PRDM16: variants seen among roughly 807,000 people sequenced by gnomAD.
PRDM16 encodes histone-lysine N-methyltransferase PRDM16.
A neutral mutation model predicts 110.6 loss-of-function variants in PRDM16; 23 were observed. The observed-to-expected ratio is 0.21, with a 90% CI of 0.15 to 0.29. The LOEUF (loss-of-function observed/expected upper bound fraction) is 0.29. Among genes scored for constraint, PRDM16 ranks in the 10% least tolerant of loss-of-function variants. The pLI, the probability that PRDM16 is intolerant of heterozygous loss-of-function variation, is 1.00. For missense variants in PRDM16, 1,615 were observed against 1,794.3 expected (o/e 0.90, Z 1.81); for synonymous variants, 799 against 781.8 (o/e 1.02, Z -0.37).
At chr1:3,415,298 G>T (rs1180785607) in intron 10 of PRDM16, among the ~76,000 whole-genome samples, 3 of 152,248 alleles carry the variant, frequency 2.0e-5, no homozygotes, top group African/African-American at 7.2e-5. Context: ...TACTGACTTG[G>T]TCTCATTGCT....
chr1:3,167,077 G>A (rs531956877), intron 1 of PRDM16, among the ~76,000 whole-genome samples: 2 of 152,166 alleles, frequency 1.3e-5, no homozygotes, highest in Non-Finnish European at 2.9e-5. Flanking sequence ...GGGACGATCT[G>A]GATTGCACCT....
intron 3 of PRDM16, among the ~76,000 whole-genome samples, chr1:3,319,453 AACATG>A (rs1168438777): frequency 3.3e-5 from 5 of 152,156 alleles, no homozygotes; most frequent in Admixed American, 3.3e-4. Flanking sequence ...GGTGATGGGG[AACATG>A]CCTTGCCTCC....
chr1:3,248,924 T>C (rs1639859598), intron 3 of PRDM16, among the ~76,000 whole-genome samples: 1 of 152,184 alleles, frequency 6.6e-6, no homozygotes, highest in Non-Finnish European at 1.5e-5. Context: ...TAATGAAGGA[T>C]GGCTGCTGAG....
At position 3,143,541 on chromosome 1, in the gene PRDM16, A is replaced by G. The variant is rs1282966868; in HGVS notation, c.38-42584A>G. On this transcript the variant is annotated intron_variant, in intron 1 of 16. Coordinates refer to ENST00000270722, the MANE Select transcript of PRDM16 (RefSeq NM_022114.4). This position sits in a 1 kb window ranked among gnomAD's most constrained non-coding sequence, Gnocchi z 4.5. ...CACCCAGGCTGGAGTGCACTGGCGC[A>G]ATCTCCGCTCACTGCAGTCTCTGCC... is the stretch of plus-strand genomic sequence containing the variant. 1.3e-5 allele frequency among the ~76,000 whole-genome samples: 2 copies of G among 152,238 alleles called. No homozygotes were observed. The highest frequency in any genetic ancestry group is 1.9e-4 in the East Asian group (1 of 5,176).
intron 1 of PRDM16, among the ~76,000 whole-genome samples, chr1:3,141,921 A>G (rs1427231674): frequency 6.6e-6 from 1 of 152,162 alleles, no homozygotes; most frequent in Non-Finnish European, 1.5e-5. Flanking sequence ...ACGGTAGGGG[A>G]TTTTTACCTT....
intron 2 of PRDM16, among the ~76,000 whole-genome samples, chr1:3,214,087 G>A (rs1255293687): frequency 6.6e-6 from 1 of 152,180 alleles, no homozygotes; most frequent in Non-Finnish European, 1.5e-5. Context: ...CTGCCCGGGA[G>A]GCTCTGCTTG....
At chr1:3,077,097 T>A (rs550621057) in intron 1 of PRDM16, among the ~76,000 whole-genome samples, 15 of 152,346 alleles carry the variant, frequency 9.8e-5, no homozygotes, top group African/African-American at 3.6e-4. Flanking sequence ...TGTGGTGTGC[T>A]ATGGAGTTGG....
chr1:3,323,631 AC>A (rs1641814255), intron 3 of PRDM16, among the ~76,000 whole-genome samples: 1 of 152,196 alleles, frequency 6.6e-6, no homozygotes, highest in African/African-American at 2.4e-5. Flanking sequence ...CTGGAAACCC[AC>A]GTGTGCAGTC....
chr1:3,337,468 A>G (rs549095884), intron 3 of PRDM16, among the ~76,000 whole-genome samples: 4 of 152,238 alleles, frequency 2.6e-5, no homozygotes, highest in African/African-American at 9.6e-5. Flanking sequence ...CTTGATTTCT[A>G]AAGCTGGGAT....
rs1488509645 is a variant in PRDM16 at position 3,080,164 on chromosome 1, A to T, written c.37+10868A>T. Among the ~76,000 whole-genome samples the T allele has an allele frequency of 6.6e-6, 1 of 152,132 alleles. No individual in the cohort carries two copies. The highest frequency in any genetic ancestry group is 1.5e-5 in the Non-Finnish European group (1 of 68,032). On this transcript the variant is annotated intron_variant, in intron 1 of 16. Transcript: ENST00000270722. The surrounding 1 kb of genome is among the most constrained non-coding windows in gnomAD (Gnocchi z 5.2). ...ATCCCGGGCCCTGGTGCTTGCATTT[A>T]GAAAAATTAGGCCCTCTTGAAAAAT...
At chr1:3,409,793 GGT>G (rs1267110797) in intron 8 of PRDM16, among the ~76,000 whole-genome samples, 20 of 121,274 alleles carry the variant, frequency 1.6e-4, no homozygotes, top group African/African-American at 4.7e-4. Context: ...GTGTGGTGTG[GGT>G]GTGTGTGGTG....
intron 14 of PRDM16, 27 bp downstream of exon 14, chr1:3,426,252 A>C (rs1188577059): frequency 6.2e-7 from 1 of 1,604,622 alleles, no homozygotes; most frequent in South Asian, 1.1e-5. Flanking sequence ...GGGCTGGGGA[A>C]AGTCTGGACC....
At chr1:3,122,688 GC>G (rs1292046719) in intron 1 of PRDM16, among the ~76,000 whole-genome samples, 1 of 151,802 alleles carries the variant, frequency 6.6e-6, no homozygotes, top group South Asian at 2.1e-4. Context: ...CCTCCGTGCT[GC>G]CCCCACACTA....
chr1:3,321,474 A>G (rs549513407), intron 3 of PRDM16, among the ~76,000 whole-genome samples: 1 of 149,164 alleles, frequency 6.7e-6, no homozygotes, highest in East Asian at 2.0e-4. Context: ...TGTGAAGGGT[A>G]CATATGTGTG....
chr1:3,417,829 T>C lies in PRDM16; in HGVS notation c.2693T>C (p.Met898Thr). The C allele has an allele frequency of 6.2e-7, 1 of 1,613,634 alleles. No homozygotes were observed. ...AACCTCCCACTCTTATGCCTACAGATGTCAGCCATAGAGACCATGACAGAG... is the reference window on the plus strand; with the variant it reads ...AACCTCCCACTCTTATGCCTACAGACGTCAGCCATAGAGACCATGACAGAG... ...RPSPLLFHPQ[M>T]SAIETMTEKL... Residue 898 changes from methionine to threonine, a missense_variant and splice_region_variant, in exon 11 of 17, where the codon ATG becomes ACG. Physicochemically the swap from Met to Thr is moderately conservative, Grantham distance 81 (BLOSUM62 -1). This residue lies in a region of PRDM16 where 772 missense variants were observed against 748.3 expected (regional missense o/e 1.03). Coordinates refer to ENST00000270722, the MANE Select transcript of PRDM16 (RefSeq NM_022114.4).
rs556163817 is a variant in PRDM16 at position 3,422,438 on chromosome 1, C to T, written c.2940-3143C>T. On this transcript the variant is annotated intron_variant, in intron 12 of 16. Transcript: ENST00000270722. Reference sequence around the variant, plus strand: ...CTCAACATGCCAGAGGGGCACATGGCCCCAGCTGGGTGGGAAGCCTCTGGC... The same window carrying T: ...CTCAACATGCCAGAGGGGCACATGGTCCCAGCTGGGTGGGAAGCCTCTGGC... Among the ~76,000 whole-genome samples, 119 of 152,290 alleles carry T rather than the reference C, an allele frequency of 7.8e-4. 1 individual carries two copies. Among genetic ancestry groups the T allele is most frequent in the Non-Finnish European group, 1.2e-3 (85 of 68,020 alleles).
intron 3 of PRDM16, among the ~76,000 whole-genome samples, chr1:3,372,196 C>A (rs749750790): frequency 4.6e-5 from 7 of 152,230 alleles, no homozygotes; most frequent in Non-Finnish European, 8.8e-5. Flanking sequence ...CCCCAGGGGT[C>A]CTTGGTAGGT....
At chr1:3,326,247 TC>T (rs1434437338) in intron 3 of PRDM16, among the ~76,000 whole-genome samples, 1 of 152,086 alleles carries the variant, frequency 6.6e-6, no homozygotes, top group African/African-American at 2.4e-5. Context: ...ATCACCTCCA[TC>T]CCCGCCTCTG....
At chr1:3,137,340 C>T (rs771865304) in intron 1 of PRDM16, among the ~76,000 whole-genome samples, 5 of 152,230 alleles carry the variant, frequency 3.3e-5, no homozygotes, top group South Asian at 2.1e-4. Context: ...GCCTGTCACT[C>T]GGAGCAAGGA....
Sources: gnomAD v4.1 joint callset for allele counts (sites outside exome capture counted in the v4.1 genomes callset) on GRCh38, gnomAD v4.1.1 for gene constraint, gnomAD v4.1.1 regional missense constraint, Gnocchi (gnomAD v3.1) non-coding constraint, MANE v1.5 for transcripts, NCBI Gene and HGNC (gene_info 2026-07-23, HGNC 2026-07-21) for gene names.